Variants in BMP3 observed in about 807,000 individuals in gnomAD.
The protein encoded by BMP3 is bone morphogenetic protein 3 (osteogenic).
A neutral mutation model predicts 38.1 loss-of-function variants in BMP3; 23 were observed. The observed-to-expected ratio is 0.60, with a 90% CI of 0.43 to 0.86. The LOEUF is 0.86. BMP3 is among the 40% of genes least tolerant of loss of function. The probability of loss-of-function intolerance (pLI) is 0.00; values close to 1 mark genes in which losing one functional copy is unlikely to be tolerated. For missense variants in BMP3, 628 were observed against 579.6 expected (o/e 1.08, Z -0.86); for synonymous variants, 258 against 225.7 (o/e 1.14, Z -1.28).
intron 2 of BMP3, among the ~76,000 whole-genome samples, chr4:81,048,547 A>G (rs1215977325): frequency 6.6e-6 from 1 of 152,178 alleles, no homozygotes; most frequent in Non-Finnish European, 1.5e-5. Flanking sequence ...TTGATTTGGT[A>G]TCCACCCCAC....
chr4:81,041,725 G>A (rs1256678262), intron 1 of BMP3, among the ~76,000 whole-genome samples: 3 of 152,114 alleles, frequency 2.0e-5, no homozygotes, highest in Non-Finnish European at 4.4e-5. Context: ...CATTTCTTTT[G>A]CAAAAGCTTC....
At chr4:81,038,830 G>A (rs1739989919) in intron 1 of BMP3, among the ~76,000 whole-genome samples, 1 of 152,156 alleles carries the variant, frequency 6.6e-6, no homozygotes, top group African/African-American at 2.4e-5. Context: ...TGAAGTACTA[G>A]GAATTCAAAG....
At chr4:81,034,009 C>T (rs1739853575) in intron 1 of BMP3, among the ~76,000 whole-genome samples, 1 of 152,142 alleles carries the variant, frequency 6.6e-6, no homozygotes, top group Non-Finnish European at 1.5e-5. Context: ...TGAGTTATAG[C>T]TTTAGAGTCC....
chr4:81,038,484 T>G (rs528015524), intron 1 of BMP3, among the ~76,000 whole-genome samples: 1 of 152,290 alleles, frequency 6.6e-6, no homozygotes, highest in Admixed American at 6.5e-5. Flanking sequence ...GATGAGATAG[T>G]TCAAAAGCTA....
chr4:81,032,486 G>A (rs1739807992), intron 1 of BMP3, among the ~76,000 whole-genome samples: 1 of 152,230 alleles, frequency 6.6e-6, no homozygotes, highest in East Asian at 1.9e-4. Context: ...TTAACAGCTT[G>A]AGGGAAAGCT....
chr4:81,031,624 C>A, intron 1 of BMP3, 24 bp downstream of exon 1: 1 of 1,541,436 alleles, frequency 6.5e-7, no homozygotes, highest in East Asian at 2.3e-5. Context: ...GTGAGACTCC[C>A]TTCCCGCGGT....
Position 81,031,003 on chromosome 4 carries a change from A to G in BMP3, c.-282A>G. 1 of 452,218 alleles carries G rather than the reference A, an allele frequency of 2.2e-6. No homozygotes were observed. Among genetic ancestry groups the G allele is most frequent in the Non-Finnish European group, 3.9e-6 (1 of 256,796 alleles). 28.0% of individuals were successfully genotyped at this position (452,218 alleles called of 1,614,324 possible). A position where few individuals can be genotyped will look rare whatever the true frequency, so the allele number is the denominator to read the frequency against. On this transcript the variant is annotated 5_prime_UTR_variant, in exon 1 of 3. Transcript: ENST00000282701. ...ACCCGGGCCACACACGCCGCGACCT[A>G]CAGCTCTTTCTCAGCGTTGGAGTGG... is the stretch of plus-strand genomic sequence containing the variant.
Position 81,053,604 on chromosome 4 carries a change from T to G in BMP3, c.*68T>G. 7.0e-6 allele frequency: 4 copies of G among 575,326 alleles called. No individual in the cohort carries two copies. In the East Asian group the frequency reaches 1.3e-4, roughly 18 times the overall value. 35.6% of individuals were successfully genotyped at this position (575,326 alleles called of 1,614,324 possible). A position where few individuals can be genotyped will look rare whatever the true frequency, so the allele number is the denominator to read the frequency against. On this transcript the variant is annotated 3_prime_UTR_variant, in exon 3 of 3. Transcript: ENST00000282701. ...TTATTTTTATGGACTTCTTCCTGTTTTTTTTTTTTTTTTTTTTGCACTGCC... is the reference window on the plus strand; with the variant it reads ...TTATTTTTATGGACTTCTTCCTGTTGTTTTTTTTTTTTTTTTTGCACTGCC...
At chr4:81,039,127 G>T (rs1740000477) in intron 1 of BMP3, among the ~76,000 whole-genome samples, 1 of 152,110 alleles carries the variant, frequency 6.6e-6, no homozygotes, top group Non-Finnish European at 1.5e-5. Context: ...GGCAGCACAG[G>T]GATGCTGCAA....
intron 2 of BMP3, among the ~76,000 whole-genome samples, chr4:81,051,201 A>C (rs1209618547): frequency 6.6e-6 from 1 of 151,828 alleles, no homozygotes; most frequent in Non-Finnish European, 1.5e-5. Context: ...GAATTTTCCT[A>C]GGAAACACCC....
intron 1 of BMP3, among the ~76,000 whole-genome samples, chr4:81,033,181 CTAA>C (rs1354401020): frequency 1.3e-5 from 2 of 152,076 alleles, no homozygotes; most frequent in Non-Finnish European, 2.9e-5. Context: ...GCTGAGGCCC[CTAA>C]GATAAAAAAC....
intron 1 of BMP3, among the ~76,000 whole-genome samples, chr4:81,045,515 C>A (rs1740205401): frequency 6.6e-6 from 1 of 151,954 alleles, no homozygotes; most frequent in African/African-American, 2.4e-5. Context: ...TCTACTTTTT[C>A]TTTTATTGCT....
intron 1 of BMP3, among the ~76,000 whole-genome samples, chr4:81,035,869 C>T (rs539916982): frequency 6.6e-6 from 1 of 152,012 alleles, no homozygotes; most frequent in East Asian, 1.9e-4. Flanking sequence ...AATACTTTCT[C>T]CTGGAGAAAG....
Position 81,053,987 on chromosome 4 carries a change from A to C in BMP3, c.*451A>C, listed in dbSNP as rs974618737. The C allele has an allele frequency of 1.3e-5, 2 of 152,740 alleles. No homozygotes were observed. The highest frequency in any genetic ancestry group is 4.8e-5 in the African/African-American group (2 of 41,434). The allele number at this position is 152,740 out of a possible 1,614,324, so 9.5% of individuals were successfully genotyped here. A position where few individuals can be genotyped will look rare whatever the true frequency, so the allele number is the denominator to read the frequency against. Reference sequence around the variant, plus strand: ...AATCCTGAGAAAGTGCTAAATAATCAACTCTGATGTTTTTCTTAAGTTCTT... The same window carrying C: ...AATCCTGAGAAAGTGCTAAATAATCCACTCTGATGTTTTTCTTAAGTTCTT... On this transcript the variant is annotated 3_prime_UTR_variant, in exon 3 of 3. Coordinates refer to ENST00000282701, the MANE Select transcript of BMP3 (RefSeq NM_001201.5).
intron 2 of BMP3, 113 bp from the exon 3 acceptor site, chr4:81,053,232 T>C (rs1740442706): frequency 9.3e-6 from 7 of 756,518 alleles, no homozygotes; most frequent in South Asian, 3.1e-5. Flanking sequence ...GCCAGAGGTT[T>C]TATTAAATTG....
chr4:81,046,274 C>G lies in BMP3; in HGVS notation c.853C>G (p.Arg285Gly). The change falls in exon 2 of 3, where the codon CGG becomes GGG. Residue 285 changes from arginine (R) to glycine (G), a missense_variant. Coordinates refer to ENST00000282701, the MANE Select transcript of BMP3 (RefSeq NM_001201.5). The part of the protein sequence containing the change: ...SHIRAALSIE[R>G]RKKRSTGVLL... The stretch of plus-strand genomic sequence containing the variant: ...CATCAGAGCTGCCCTTTCCATTGAG[C>G]GGAGGAAGAAGCGCTCTACTGGGGT... 1.2e-6 allele frequency: 2 copies of G among 1,613,988 alleles called. No homozygotes were observed. Among genetic ancestry groups the G allele is most frequent in the Non-Finnish European group, 1.7e-6 (2 of 1,180,000 alleles).
chr4:81,045,132 G>A (rs74654684), intron 1 of BMP3, among the ~76,000 whole-genome samples: 6,888 of 151,978 alleles, frequency 0.045, 516 homozygotes, highest in African/African-American at 0.16. Context: ...GGGTTTTTTC[G>A]TTTATTTGTT....
rs141076609 is a variant in BMP3 at position 81,031,346 on chromosome 4, A to G, written c.62A>G (p.Gln21Arg). Residue 21 changes from glutamine to arginine, a missense_variant, in exon 1 of 3, where the codon CAG (glutamine) becomes CGG (arginine). Coordinates refer to ENST00000282701, the MANE Select transcript of BMP3 (RefSeq NM_001201.5). ...WLGCFCVSLAQGERPKPPFPE... is the reference protein window; with the variant it reads ...WLGCFCVSLARGERPKPPFPE... Reference sequence around the variant, plus strand: ...GGCTGCTTCTGCGTGAGCCTGGCGCAGGGAGAGAGACCGAAGCCACCTTTC... The same window carrying G: ...GGCTGCTTCTGCGTGAGCCTGGCGCGGGGAGAGAGACCGAAGCCACCTTTC... The G allele has an allele frequency of 8.1e-6, 13 of 1,612,088 alleles. No individual in the cohort carries two copies. In the African/African-American group the frequency reaches 1.6e-4, roughly 20 times the overall value.
chr4:81,035,228 C>G (rs1051922927), intron 1 of BMP3, among the ~76,000 whole-genome samples: 1 of 151,928 alleles, frequency 6.6e-6, no homozygotes, highest in Non-Finnish European at 1.5e-5. Context: ...CTTCATTATT[C>G]ATGCTAATGC....
Sources: allele counts gnomAD v4.1 joint callset (sites outside exome capture counted in the v4.1 genomes callset), GRCh38; gene constraint gnomAD v4.1.1; transcripts MANE v1.5; gene names NCBI Gene and HGNC (gene_info 2026-07-23, HGNC 2026-07-21).